Variants in MOB3B observed in about 807,000 individuals in gnomAD.
MOB3B encodes the protein MOB kinase activator 3B.
MOB3B carries 7 observed loss-of-function variants against 18.7 expected under a neutral mutation model. That is an observed-to-expected ratio of 0.37 (90% CI 0.21 to 0.70). MOB3B has a LOEUF of 0.70. MOB3B is among the 30% of genes least tolerant of loss of function. The pLI, the probability that MOB3B is intolerant of heterozygous loss-of-function variation, is 0.52. For missense variants in MOB3B, 253 were observed against 281.3 expected, an observed-to-expected ratio of 0.90 and a Z score of 0.72; for synonymous variants, 111 against 99.9, an observed-to-expected ratio of 1.11 and a Z score of -0.66.
chr9:27,410,164 A>C (rs1008352471), intron 2 of MOB3B, among the ~76,000 whole-genome samples: 5 of 152,370 alleles, frequency 3.3e-5, no homozygotes, highest in African/African-American at 9.6e-5. Flanking sequence ...CAAGAACAAG[A>C]AGTCAGCAGC....
intron 1 of MOB3B, among the ~76,000 whole-genome samples, chr9:27,528,333 T>C (rs975967525): frequency 6.6e-5 from 10 of 152,362 alleles, no homozygotes; most frequent in African/African-American, 2.2e-4. Context: ...GGCTAGAGAT[T>C]GAAATCCTCT....
chr9:27,343,679 T>C (rs1398837956), intron 3 of MOB3B, among the ~76,000 whole-genome samples: 1 of 150,480 alleles, frequency 6.6e-6, no homozygotes, highest in African/African-American at 2.5e-5. Context: ...TCGTCTTTTA[T>C]TATGAGGCTG....
intron 2 of MOB3B, among the ~76,000 whole-genome samples, chr9:27,381,683 G>C (rs10119047): frequency 0.043 from 6,495 of 152,196 alleles, 439 homozygotes; most frequent in African/African-American, 0.15. Flanking sequence ...GTCTCACTCT[G>C]TTGTCCAGGC....
rs909215558 is a variant in MOB3B, at chr9:27,513,370, C to T, written c.-199+16185G>A. Among the ~76,000 whole-genome samples, 66 of 152,276 alleles carry T rather than the reference C, an allele frequency of 4.3e-4. 1 individual carries two copies. Among genetic ancestry groups the T allele is most frequent in the African/African-American group, 1.5e-3 (61 of 41,574 alleles). ...CTTGCTTCTACTCTAGCCCCTTCTC[C>T]AAACTGTACCCCTACAAGGCCCCCA... On this transcript the variant is annotated intron_variant, in intron 1 of 3. Transcript: ENST00000262244.
At chr9:27,476,795 T>C (rs940511722) in intron 1 of MOB3B, among the ~76,000 whole-genome samples, 5 of 152,186 alleles carry the variant, frequency 3.3e-5, no homozygotes, top group African/African-American at 1.2e-4. Flanking sequence ...GAAATCCATC[T>C]CTGCATTTGT....
intron 2 of MOB3B, among the ~76,000 whole-genome samples, chr9:27,449,389 T>C (rs1413170800): frequency 6.6e-6 from 1 of 152,224 alleles, no homozygotes; most frequent in Non-Finnish European, 1.5e-5. Flanking sequence ...GCAACTCTTA[T>C]GTCTCAGGCT....
intron 2 of MOB3B, among the ~76,000 whole-genome samples, chr9:27,442,727 A>C (rs1291855610): frequency 6.6e-6 from 1 of 152,040 alleles, no homozygotes; most frequent in African/African-American, 2.4e-5. Flanking sequence ...TTATAATATT[A>C]TATTGTTGCT....
At chr9:27,430,716 A>T (rs1822405223) in intron 2 of MOB3B, among the ~76,000 whole-genome samples, 1 of 152,194 alleles carries the variant, frequency 6.6e-6, no homozygotes, top group Middle Eastern at 3.2e-3. Context: ...AAAACAGGTC[A>T]TCGTGAAACA....
rs1822707608 is a variant in MOB3B, at chr9:27,447,296, G to A, written c.418+7837C>T. On this transcript the variant is annotated intron_variant, in intron 2 of 3. Transcript: ENST00000262244. Reference sequence around the variant, plus strand: ...CCCCTTAAAGCTTGACACTTAGACAGCCTGCCTCTCCAAGCTCTACTGACC... The same window carrying A: ...CCCCTTAAAGCTTGACACTTAGACAACCTGCCTCTCCAAGCTCTACTGACC... Among the ~76,000 whole-genome samples, 3 of 152,296 alleles carry A rather than the reference G, an allele frequency of 2.0e-5. No homozygotes were observed. The South Asian group carries it at 6.2e-4, about 32-fold the overall frequency.
At chr9:27,390,383 G>A (rs902819392) in intron 2 of MOB3B, among the ~76,000 whole-genome samples, 3 of 152,194 alleles carry the variant, frequency 2.0e-5, no homozygotes, top group African/African-American at 7.2e-5. Context: ...TGTATTTTTA[G>A]TAGAGACGGG....
chr9:27,464,403 T>C (rs143226351), intron 1 of MOB3B, among the ~76,000 whole-genome samples: 75 of 152,310 alleles, frequency 4.9e-4, no homozygotes, highest in African/African-American at 1.8e-3. Context: ...ACCCTAATAT[T>C]TTGAGGGAGT....
intron 1 of MOB3B, among the ~76,000 whole-genome samples, chr9:27,479,265 T>A (rs1036958993): frequency 5.9e-5 from 9 of 152,168 alleles, no homozygotes; most frequent in African/African-American, 2.2e-4. Flanking sequence ...TCATCCTTTA[T>A]AAGAAACCCC....
chr9:27,410,475 A>G (rs1174162488), intron 2 of MOB3B, among the ~76,000 whole-genome samples: 1 of 151,136 alleles, frequency 6.6e-6, no homozygotes, highest in African/African-American at 2.4e-5. Context: ...AATTGCCTAG[A>G]AAAGATTTTT....
At chr9:27,528,482 G>A (rs1820474463) in intron 1 of MOB3B, among the ~76,000 whole-genome samples, 1 of 152,236 alleles carries the variant, frequency 6.6e-6, no homozygotes, top group Non-Finnish European at 1.5e-5. Flanking sequence ...AGGCAGCAGC[G>A]GAGGCGGGGA....
At chr9:27,476,119 C>T (rs912584848) in intron 1 of MOB3B, among the ~76,000 whole-genome samples, 2 of 152,242 alleles carry the variant, frequency 1.3e-5, no homozygotes, top group African/African-American at 4.8e-5. Flanking sequence ...TACTTATCTG[C>T]TCTATCCACA....
chr9:27,427,398 C>G (rs1001530164), intron 2 of MOB3B, among the ~76,000 whole-genome samples: 1 of 152,228 alleles, frequency 6.6e-6, no homozygotes, highest in African/African-American at 2.4e-5. Flanking sequence ...TAACGTCAAA[C>G]ATTCTTTCAG....
chr9:27,481,497 GTT>G (rs749380961), intron 1 of MOB3B, among the ~76,000 whole-genome samples: 15 of 89,056 alleles, frequency 1.7e-4, no homozygotes, highest in Admixed American at 4.6e-4. Flanking sequence ...AAGGAAGGTA[GTT>G]TTTTTTTTTT....
intron 1 of MOB3B, among the ~76,000 whole-genome samples, chr9:27,528,781 G>T (rs530428505): frequency 9.6e-6 from 1 of 104,440 alleles, no homozygotes; most frequent in African/African-American, 2.9e-5. Flanking sequence ...AGAGCGCGAG[G>T]GGGGGGATCC....
chr9:27,422,415 C>A (rs902238151), intron 2 of MOB3B, among the ~76,000 whole-genome samples: 7 of 152,210 alleles, frequency 4.6e-5, no homozygotes, highest in Admixed American at 1.3e-4. Context: ...ATATGACCAA[C>A]ACCTATCTTG....
Sources: gnomAD v4.1 joint callset for allele counts (sites outside exome capture counted in the v4.1 genomes callset) on GRCh38, gnomAD v4.1.1 for gene constraint, MANE v1.5 for transcripts, NCBI Gene and HGNC (gene_info 2026-07-23, HGNC 2026-07-21) for gene names.